Variants in ARMH4 observed in about 807,000 individuals in gnomAD.
ARMH4 encodes armadillo like helical domain containing 4, also known as armadillo-like helical domain-containing protein 4.
In ARMH4, 49 loss-of-function variants were observed where a neutral mutation model predicts 61.9. The ratio of observed to expected loss-of-function variants is 0.79; its 90% CI spans 0.63 to 1.00. ARMH4 has a LOEUF of 1.00. Among genes scored for constraint, ARMH4 ranks in the 50% least tolerant of loss-of-function variants. The pLI, the probability that ARMH4 is intolerant of heterozygous loss-of-function variation, is 0.00. For missense variants in ARMH4, 934 were observed against 930.0 expected, an observed-to-expected ratio of 1.00 and a Z score of -0.06; for synonymous variants, 368 against 341.5, an observed-to-expected ratio of 1.08 and a Z score of -0.85.
chr14:58,006,627 T>C (rs2141125085), intron 6 of ARMH4, among the ~76,000 whole-genome samples: 1 of 152,284 alleles, frequency 6.6e-6, no homozygotes, highest in East Asian at 1.9e-4. Context: ...GCATACTAAG[T>C]ATTTTTCCCC....
intron 4 of ARMH4, among the ~76,000 whole-genome samples, chr14:58,121,010 G>A (rs1429808278): frequency 6.6e-6 from 1 of 152,140 alleles, no homozygotes; most frequent in African/African-American, 2.4e-5. Flanking sequence ...GAAAATTCAT[G>A]ATTTGTAGGG....
chr14:58,042,102 G>A (rs969889763), intron 5 of ARMH4, among the ~76,000 whole-genome samples: 16 of 151,528 alleles, frequency 1.1e-4, no homozygotes, highest in Admixed American at 4.6e-4. Context: ...AGACCTAATA[G>A]ACATCTACAG....
chr14:58,094,271 A>C (rs1345176217), intron 5 of ARMH4, among the ~76,000 whole-genome samples: 1 of 150,090 alleles, frequency 6.7e-6, no homozygotes, highest in Non-Finnish European at 1.5e-5. Context: ...CAGAATTTGC[A>C]GTGAGTCGAG....
At position 58,002,907 on chromosome 14, in the gene ARMH4, A is replaced by G. The variant is rs1230150273; in HGVS notation, c.*1829T>C. ...TGATCAGTTTCACATATTTGCTTAC[A>G]TCTCTTGGCAAAAAGAGTTAAAATT... On this transcript the variant is annotated 3_prime_UTR_variant, in exon 8 of 8. Transcript: ENST00000267485. 2 of 152,198 alleles carry G rather than the reference A, an allele frequency of 1.3e-5. No individual in the cohort carries two copies. The highest frequency in any genetic ancestry group is 1.3e-4 in the Admixed American group (2 of 15,270). The allele number at this position is 152,198 out of a possible 1,614,324, so 9.4% of individuals were successfully genotyped here.
intron 4 of ARMH4, among the ~76,000 whole-genome samples, chr14:58,125,241 A>G (rs1169549210): frequency 6.6e-6 from 1 of 152,118 alleles, no homozygotes; most frequent in Non-Finnish European, 1.5e-5. Flanking sequence ...ACCAAGCCCC[A>G]CTACTCAGCA....
intron 4 of ARMH4, among the ~76,000 whole-genome samples, chr14:58,114,742 T>G (rs1781031659): frequency 3.3e-5 from 5 of 152,124 alleles, no homozygotes; most frequent in Admixed American, 3.3e-4. Context: ...TCTGAAATGT[T>G]ATTATTAAAT....
At chr14:58,112,700 A>G (rs947694711) in intron 4 of ARMH4, among the ~76,000 whole-genome samples, 1 of 152,160 alleles carries the variant, frequency 6.6e-6, no homozygotes, top group African/African-American at 2.4e-5. Flanking sequence ...CTTTTCTAAA[A>G]TCTGTTGCCA....
chr14:58,055,440 G>A (rs1884316026), intron 5 of ARMH4, among the ~76,000 whole-genome samples: 1 of 152,158 alleles, frequency 6.6e-6, no homozygotes, highest in Non-Finnish European at 1.5e-5. Flanking sequence ...AATAAATAGG[G>A]CTCTTTCCTG....
intron 5 of ARMH4, among the ~76,000 whole-genome samples, chr14:58,045,177 G>A (rs1379003789): frequency 3.9e-5 from 6 of 152,142 alleles, no homozygotes; most frequent in Non-Finnish European, 8.8e-5. Context: ...GTTGATTGTG[G>A]CACTACTCAC....
At position 58,138,483 on chromosome 14, in the gene ARMH4, T is replaced by A; in HGVS notation, c.876A>T (p.Gly292=). The change falls in exon 2 of 8, where the codon GGA becomes GGT. Residue 292 remains glycine, a synonymous_variant. Coordinates refer to ENST00000267485, the MANE Select transcript of ARMH4 (RefSeq NM_001001872.4). The part of the protein sequence containing the change: ...SVEPETDSLL[G]APEVTVSVST... Reference sequence around the variant, plus strand: ...TGACACTCACTGTGACTTCTGGGGCTCCCAGCAGACTATCAGTTTCTGGCT... The same window carrying A: ...TGACACTCACTGTGACTTCTGGGGCACCCAGCAGACTATCAGTTTCTGGCT... 6.2e-7 allele frequency: 1 copy of A among 1,614,214 alleles called. No individual in the cohort carries two copies. The highest frequency in any genetic ancestry group is 8.5e-7 in the Non-Finnish European group (1 of 1,180,042).
Position 58,138,803 on chromosome 14 carries a change from A to T in ARMH4, c.556T>A (p.Tyr186Asn). The change falls in exon 2 of 8, where the codon TAT becomes AAT. Residue 186 changes from tyrosine (Y) to asparagine (N), a missense_variant. Coordinates refer to ENST00000267485, the MANE Select transcript of ARMH4 (RefSeq NM_001001872.4). ...GTTGCAAATGATTGATTATCCATAT[A>T]CTTCAGAAAACCTTTTGTGGTTTCT... ...ITETTKGFLK[Y>N]MDNQSFATES... 6.2e-7 allele frequency: 1 copy of T among 1,614,200 alleles called. No homozygotes were observed. Among genetic ancestry groups the T allele is most frequent in the East Asian group, 2.2e-5 (1 of 44,882 alleles).
At chr14:58,105,335 G>A (rs1478980523) in intron 4 of ARMH4, among the ~76,000 whole-genome samples, 3 of 152,072 alleles carry the variant, frequency 2.0e-5, no homozygotes, top group East Asian at 3.8e-4. Flanking sequence ...TAAAAGACAC[G>A]TACACACAAT....
intron 5 of ARMH4, among the ~76,000 whole-genome samples, chr14:58,045,984 T>TC (rs1883922923): frequency 6.6e-6 from 1 of 152,180 alleles, no homozygotes; most frequent in Non-Finnish European, 1.5e-5. Context: ...AAACAGGCTC[T>TC]CCCTCAGCCT....
chr14:58,062,402 G>T (rs1023783073), intron 5 of ARMH4, among the ~76,000 whole-genome samples: 1 of 152,134 alleles, frequency 6.6e-6, no homozygotes, highest in Admixed American at 6.5e-5. Context: ...ATTCCAACAC[G>T]TGGGCTCTAT....
intron 3 of ARMH4, among the ~76,000 whole-genome samples, chr14:58,132,305 A>G (rs1183217599): frequency 6.6e-6 from 1 of 152,224 alleles, no homozygotes; most frequent in Non-Finnish European, 1.5e-5. Flanking sequence ...TGTAGACATG[A>G]TTTCAAATTC....
At chr14:58,059,596 CTAAT>C (rs1884464245) in intron 5 of ARMH4, among the ~76,000 whole-genome samples, 1 of 152,162 alleles carries the variant, frequency 6.6e-6, no homozygotes, top group African/African-American at 2.4e-5. Context: ...ATACTTAACA[CTAAT>C]TATCTCAAAA....
At chr14:58,041,653 T>C (rs915520827) in intron 5 of ARMH4, among the ~76,000 whole-genome samples, 5 of 151,996 alleles carry the variant, frequency 3.3e-5, no homozygotes, top group Non-Finnish European at 7.4e-5. Context: ...GACTGGCAAA[T>C]TGGATAAAGA....
intron 5 of ARMH4, among the ~76,000 whole-genome samples, chr14:58,018,728 A>C (rs926419453): frequency 3.9e-5 from 6 of 152,314 alleles, no homozygotes; most frequent in Admixed American, 1.3e-4. Context: ...TCCTCAAAAA[A>C]TTAAAATAGA....
intron 5 of ARMH4, among the ~76,000 whole-genome samples, chr14:58,080,104 G>C (rs1313928818): frequency 6.9e-6 from 1 of 144,766 alleles, no homozygotes; most frequent in East Asian, 2.0e-4. Context: ...CTATCATTAA[G>C]ATTTATATTT....
Sources: allele counts gnomAD v4.1 joint callset (sites outside exome capture counted in the v4.1 genomes callset), GRCh38; gene constraint gnomAD v4.1.1; transcripts MANE v1.5; gene names NCBI Gene and HGNC (gene_info 2026-07-23, HGNC 2026-07-21).